SPAG16: variants seen among roughly 807,000 people sequenced by gnomAD.
SPAG16 encodes the protein sperm-associated antigen 16 protein.
SPAG16 carries 86 observed loss-of-function variants against 80.4 expected under a neutral mutation model. The observed-to-expected ratio is 1.07, with a 90% CI of 0.90 to 1.28. The LOEUF (loss-of-function observed/expected upper bound fraction) is 1.28. Among genes scored for constraint, SPAG16 ranks in the 50% most tolerant of loss-of-function variants. The probability of loss-of-function intolerance (pLI) is 0.00; values close to 1 mark genes in which losing one functional copy is unlikely to be tolerated. For synonymous variants in SPAG16, 294 were observed against 265.9 expected, an observed-to-expected ratio of 1.11 and a Z score of -1.03; for missense variants, 870 against 765.3, an observed-to-expected ratio of 1.14 and a Z score of -1.61.
At chr2:214,109,647 C>T (rs2053567754) in intron 14 of SPAG16, among the ~76,000 whole-genome samples, 1 of 152,142 alleles carries the variant, frequency 6.6e-6, no homozygotes, top group Non-Finnish European at 1.5e-5. Flanking sequence ...GTGTCATTGT[C>T]AGGCCTGGGA....
intron 13 of SPAG16, among the ~76,000 whole-genome samples, chr2:214,051,302 G>T (rs1042706861): frequency 2.6e-4 from 40 of 152,042 alleles, no homozygotes; most frequent in African/African-American, 9.4e-4. Flanking sequence ...AAAAAGAAAA[G>T]GCATTTATTA....
At chr2:214,323,106 G>A (rs1187207020) in intron 15 of SPAG16, among the ~76,000 whole-genome samples, 2 of 152,082 alleles carry the variant, frequency 1.3e-5, no homozygotes, top group African/African-American at 4.8e-5. Flanking sequence ...TTGCTGAAAG[G>A]TACCTATCCT....
chr2:213,308,798 T>G (rs1248799056), intron 3 of SPAG16, among the ~76,000 whole-genome samples: 1 of 152,148 alleles, frequency 6.6e-6, no homozygotes, highest in Non-Finnish European at 1.5e-5. Context: ...ATGAAGACAT[T>G]TAATCTATAA....
intron 12 of SPAG16, among the ~76,000 whole-genome samples, chr2:213,976,419 G>T (rs1310064681): frequency 6.6e-6 from 1 of 151,366 alleles, no homozygotes; most frequent in Non-Finnish European, 1.5e-5. Context: ...TAACTAACAG[G>T]TCTCCTCTCA....
chr2:213,629,960 T>A (rs1422287992), intron 10 of SPAG16, among the ~76,000 whole-genome samples: 2 of 152,216 alleles, frequency 1.3e-5, no homozygotes, highest in South Asian at 4.1e-4. Flanking sequence ...ATATTTTCCC[T>A]CCAGCCTAGG....
intron 7 of SPAG16, among the ~76,000 whole-genome samples, chr2:213,362,866 C>T (rs1287056676): frequency 6.6e-6 from 1 of 152,124 alleles, no homozygotes; most frequent in Non-Finnish European, 1.5e-5. Context: ...CCAGCATCTG[C>T]AGAGAGATCT....
chr2:213,729,314 CTT>C (rs200864283), intron 10 of SPAG16, among the ~76,000 whole-genome samples: 3,097 of 152,246 alleles, frequency 0.02, 44 homozygotes, highest in Non-Finnish European at 0.031. Context: ...CTGGATGACT[CTT>C]TAACCTCTTT....
At chr2:213,828,078 A>G (rs1413522861) in intron 10 of SPAG16, among the ~76,000 whole-genome samples, 1 of 151,982 alleles carries the variant, frequency 6.6e-6, no homozygotes, top group Non-Finnish European at 1.5e-5. Context: ...GTTCATTGTT[A>G]TTACCCTTTT....
At chr2:213,491,694 GA>G (rs780697387) in intron 10 of SPAG16, among the ~76,000 whole-genome samples, 3 of 152,186 alleles carry the variant, frequency 2.0e-5, no homozygotes, top group Non-Finnish European at 4.4e-5. Context: ...GAGGTTAAGG[GA>G]AAAGCTTCTA....
chr2:214,075,780 C>T (rs768508014), intron 13 of SPAG16, among the ~76,000 whole-genome samples: 3 of 152,040 alleles, frequency 2.0e-5, no homozygotes, highest in African/African-American at 7.2e-5. Flanking sequence ...ATTTTTGTAG[C>T]GCTATATGAC....
chr2:213,778,482 T>G lies in SPAG16; in HGVS notation c.1071-84003T>G, dbSNP rs991023703. On this transcript the variant is annotated intron_variant, in intron 10 of 15. Coordinates refer to ENST00000331683, the MANE Select transcript of SPAG16 (RefSeq NM_024532.5). Reference sequence around the variant, plus strand: ...CAGGGCAGTATGTAGTATGCTTTATTACGGACCATATCAACCCTAGTGCTT... The same window carrying G: ...CAGGGCAGTATGTAGTATGCTTTATGACGGACCATATCAACCCTAGTGCTT... 1.6e-4 allele frequency among the ~76,000 whole-genome samples: 25 copies of G among 152,298 alleles called. 1 individual carries two copies. Among genetic ancestry groups the G allele is most frequent in the African/African-American group, 5.5e-4 (23 of 41,556 alleles).
intron 11 of SPAG16, among the ~76,000 whole-genome samples, chr2:213,874,574 A>C (rs1441601856): frequency 2.0e-5 from 3 of 152,154 alleles, no homozygotes; most frequent in South Asian, 2.1e-4. Flanking sequence ...CTAGCAGTGC[A>C]GTAGATTTGT....
intron 8 of SPAG16, among the ~76,000 whole-genome samples, chr2:213,366,097 C>T (rs1176171235): frequency 1.3e-4 from 19 of 146,750 alleles, no homozygotes; most frequent in Admixed American, 1.3e-4. Context: ...AGCCGAGATC[C>T]CGCCACTGCA....
chr2:213,966,436 CTAA>C (rs2044713899), intron 12 of SPAG16, among the ~76,000 whole-genome samples: 1 of 152,126 alleles, frequency 6.6e-6, no homozygotes, highest in Non-Finnish European at 1.5e-5. Flanking sequence ...AGAAATGCTT[CTAA>C]TATTAGATGT....
intron 10 of SPAG16, among the ~76,000 whole-genome samples, chr2:213,731,301 C>T (rs1009313975): frequency 6.6e-5 from 10 of 151,494 alleles, no homozygotes; most frequent in South Asian, 2.1e-4. Context: ...GGATTACAGG[C>T]ACCCACTAAC....
intron 9 of SPAG16, among the ~76,000 whole-genome samples, chr2:213,384,603 A>T (rs1411185751): frequency 3.3e-5 from 5 of 152,180 alleles, no homozygotes; most frequent in Admixed American, 1.3e-4. Flanking sequence ...CCTCTGGGGA[A>T]GGAATGGAGG....
intron 9 of SPAG16, among the ~76,000 whole-genome samples, chr2:213,428,263 A>T (rs2070070064): frequency 6.6e-6 from 1 of 152,188 alleles, no homozygotes; most frequent in Non-Finnish European, 1.5e-5. Flanking sequence ...CTCCTCTGCA[A>T]TCCACATTTC....
intron 13 of SPAG16, among the ~76,000 whole-genome samples, chr2:214,052,381 C>T (rs2049697360): frequency 6.6e-6 from 1 of 152,202 alleles, no homozygotes; most frequent in South Asian, 2.1e-4. Context: ...TCAACGTTTT[C>T]TGGTTTAACT....
intron 13 of SPAG16, among the ~76,000 whole-genome samples, chr2:214,092,969 A>T (rs1039829608): frequency 2.6e-5 from 4 of 152,138 alleles, no homozygotes; most frequent in African/African-American, 9.6e-5. Context: ...TGCCAAACTC[A>T]TAGAACCATT....
Sources: allele counts gnomAD v4.1 joint callset (sites outside exome capture counted in the v4.1 genomes callset), GRCh38; gene constraint gnomAD v4.1.1; transcripts MANE v1.5; gene names NCBI Gene and HGNC (gene_info 2026-07-23, HGNC 2026-07-21).